The following RNASEH1 variants were observed in gnomAD, a reference collection of about 807,000 sequenced individuals.
RNASEH1 encodes ribonuclease H1.
RNASEH1 carries 27 observed loss-of-function variants against 34.6 expected under a neutral mutation model. The observed-to-expected ratio is 0.78, with a 90% CI of 0.58 to 1.08. The LOEUF is 1.08. RNASEH1 is among the 50% of genes least tolerant of loss of function. The pLI is 0.00. For missense variants in RNASEH1, 349 were observed against 373.6 expected, an observed-to-expected ratio of 0.93 and a Z score of 0.54; for synonymous variants, 162 against 138.4, an observed-to-expected ratio of 1.17 and a Z score of -1.20.
the RNASEH1 span, among the ~76,000 whole-genome samples, chr2:3,532,850 T>C: frequency 6.6e-6 from 1 of 152,196 alleles, no homozygotes; most frequent in African/African-American, 2.4e-5. Flanking sequence ...TCATATTTTC[T>C]AGCCGTACCC....
chr2:3,555,871 A>T (rs952203234), intron 2 of RNASEH1, among the ~76,000 whole-genome samples: 1 of 152,196 alleles, frequency 6.6e-6, no homozygotes, highest in African/African-American at 2.4e-5. Context: ...TCTATAACAC[A>T]TAAAATTGGA....
downstream of RNASEH1, among the ~76,000 whole-genome samples, chr2:3,539,303 C>T (rs755149663): frequency 2.0e-5 from 3 of 152,178 alleles, no homozygotes; most frequent in Admixed American, 1.3e-4. Flanking sequence ...GCAGAGACAG[C>T]GGTCCACTTG....
rs554444678 is a variant in RNASEH1, at chr2:3,544,409, G to T, written c.*1376C>A. ...AGCCCAGGCTCTTCAACAGATAAAC[G>T]GCAGGGAAAACAGTGAGGCCGACGG... On this transcript the variant is annotated 3_prime_UTR_variant, in exon 8 of 8. Transcript: ENST00000315212. Among the ~76,000 whole-genome samples the T allele has an allele frequency of 2.0e-5, 3 of 152,278 alleles. No homozygotes were observed. Among genetic ancestry groups the T allele is most frequent in the African/African-American group, 7.2e-5 (3 of 41,558 alleles).
At chr2:3,550,342 A>G (rs1346219540) in intron 4 of RNASEH1, 31 bp downstream of exon 4, 1 of 1,506,626 alleles carries the variant, frequency 6.6e-7, no homozygotes, top group South Asian at 1.1e-5. Context: ...GTGGAACATG[A>G]TTCAGTAAAA....
At chr2:3,548,870 T>G (rs967074136) in intron 5 of RNASEH1, 146 bp from the exon 6 acceptor site, 1 of 754,380 alleles carries the variant, frequency 1.3e-6, no homozygotes, top group African/African-American at 1.8e-5. Context: ...AATTCTCCTG[T>G]GTAGACATCT....
At chr2:3,532,836 G>T in the RNASEH1 span, among the ~76,000 whole-genome samples, 1 of 152,168 alleles carries the variant, frequency 6.6e-6, no homozygotes, top group Non-Finnish European at 1.5e-5. Flanking sequence ...ATGTGCTGTA[G>T]AAATCATATT....
chr2:3,552,315 G>A lies in RNASEH1; in HGVS notation c.245-7C>T. The stretch of plus-strand genomic sequence containing the variant: ...CCATGTTGATTTTCATGCCCTGAAA[G>A]ACAAGAGTCCACTCGTGAGCTGGAA... On this transcript the variant is annotated splice_polypyrimidine_tract_variant and splice_region_variant and intron_variant, in intron 2 of 7. Transcript: ENST00000315212. The A allele has an allele frequency of 6.2e-7, 1 of 1,612,364 alleles. No homozygotes were observed. Among genetic ancestry groups the A allele is most frequent in the Non-Finnish European group, 8.5e-7 (1 of 1,179,454 alleles).
Position 3,543,140 on chromosome 2 carries a change from T to C in RNASEH1, c.*2645A>G, listed in dbSNP as rs1278504811. On this transcript the variant is annotated 3_prime_UTR_variant, in exon 8 of 8. Transcript: ENST00000315212. ...GTAACAAGCAGCAGAGTCTCACCAATCACATGCTGAAGGCTCCCAAAACAT... is the reference window on the plus strand; with the variant it reads ...GTAACAAGCAGCAGAGTCTCACCAACCACATGCTGAAGGCTCCCAAAACAT... Among the ~76,000 whole-genome samples the C allele has an allele frequency of 6.6e-6, 1 of 151,990 alleles. No homozygotes were observed. Among genetic ancestry groups the C allele is most frequent in the Non-Finnish European group, 1.5e-5 (1 of 67,984 alleles).
At chr2:3,535,428 T>TA in the RNASEH1 span, among the ~76,000 whole-genome samples, 41,498 of 114,360 alleles carry the variant, frequency 0.36, 7,478 homozygotes, top group African/African-American at 0.5. Context: ...CTATCCTGTC[T>TA]AAAAAAAAAA....
At chr2:3,537,434 A>G (rs549832377), downstream of RNASEH1, among the ~76,000 whole-genome samples, 1 of 152,366 alleles carries the variant, frequency 6.6e-6, no homozygotes, top group South Asian at 2.1e-4. Context: ...AAGGTAACAT[A>G]TAAAAAGGCT....
At chr2:3,557,051 A>C (rs371090358) in intron 1 of RNASEH1, 147 bp from the exon 2 acceptor site, 58 of 625,936 alleles carry the variant, frequency 9.3e-5, no homozygotes, top group South Asian at 6.7e-4. Flanking sequence ...CACAGATACC[A>C]ACATCAGAGG....
At chr2:3,540,892 C>T (rs1302293035), downstream of RNASEH1, among the ~76,000 whole-genome samples, 1 of 151,886 alleles carries the variant, frequency 6.6e-6, no homozygotes, top group African/African-American at 2.4e-5. Context: ...AACTACTAAA[C>T]AGCAAAACCA....
At chr2:3,538,415 C>A (rs1394735634), downstream of RNASEH1, among the ~76,000 whole-genome samples, 1 of 151,804 alleles carries the variant, frequency 6.6e-6, no homozygotes, top group Non-Finnish European at 1.5e-5. Flanking sequence ...GACGCACACC[C>A]CAGCAAGTCT....
At chr2:3,557,856 T>G in intron 1 of RNASEH1, 1 of 1,443,324 alleles carries the variant, frequency 6.9e-7, no homozygotes, top group Admixed American at 2.1e-5. Flanking sequence ...GCAACAAAGA[T>G]GGAGGATTAA....
At position 3,544,503 on chromosome 2, in the gene RNASEH1, C is replaced by A. The variant is rs80187707; in HGVS notation, c.*1282G>T. Among the ~76,000 whole-genome samples the A allele has an allele frequency of 3.9e-5, 6 of 152,062 alleles. No homozygotes were observed. Among genetic ancestry groups the A allele is most frequent in the Non-Finnish European group, 8.8e-5 (6 of 68,002 alleles). ...AAAGCAGACAAGACTAAACTGCCATCAAAAAACCAAGAAAGTCATTTCTGT... is the reference window on the plus strand; with the variant it reads ...AAAGCAGACAAGACTAAACTGCCATAAAAAAACCAAGAAAGTCATTTCTGT... On this transcript the variant is annotated 3_prime_UTR_variant, in exon 8 of 8. Coordinates refer to ENST00000315212, the MANE Select transcript of RNASEH1 (RefSeq NM_002936.6).
rs1228929170 is a variant in RNASEH1 at position 3,541,608 on chromosome 2, C to T, written c.*4177G>A. On this transcript the variant is annotated 3_prime_UTR_variant, in exon 8 of 8. Coordinates refer to ENST00000315212, the MANE Select transcript of RNASEH1 (RefSeq NM_002936.6). The stretch of plus-strand genomic sequence containing the variant: ...AATTATGCTGAGTAGAAGCACCTCC[C>T]CCCACAGTACTTGCTCTGCGATTCC... Among the ~76,000 whole-genome samples, 3 of 152,170 alleles carry T rather than the reference C, an allele frequency of 2.0e-5. No individual in the cohort carries two copies. Among genetic ancestry groups the T allele is most frequent in the South Asian group, 4.1e-4 (2 of 4,824 alleles).
intron 7 of RNASEH1, 112 bp downstream of exon 7, chr2:3,547,819 A>G (rs1668902595): frequency 1.9e-6 from 2 of 1,038,938 alleles, no homozygotes; most frequent in East Asian, 4.8e-5. Context: ...TATGATATTA[A>G]TATCATGGAA....
chr2:3,546,662 T>G (rs1166932427), intron 7 of RNASEH1, among the ~76,000 whole-genome samples: 1 of 152,206 alleles, frequency 6.6e-6, no homozygotes, highest in Non-Finnish European at 1.5e-5. Context: ...ACTGCCTGTG[T>G]ATTCTATGCC....
intron 1 of RNASEH1, chr2:3,557,776 C>T: frequency 1.1e-6 from 1 of 898,828 alleles, no homozygotes; most frequent in Non-Finnish European, 1.6e-6. Flanking sequence ...CCCAATTTAG[C>T]TGGTACGGAA....
Sources: gnomAD v4.1 joint callset for allele counts (sites outside exome capture counted in the v4.1 genomes callset) on GRCh38, gnomAD v4.1.1 for gene constraint, MANE v1.5 for transcripts, NCBI Gene and HGNC (gene_info 2026-07-23, HGNC 2026-07-21) for gene names.